SLC2A14: variants seen among roughly 807,000 people sequenced by gnomAD.
The protein encoded by SLC2A14 is solute carrier family 2, facilitated glucose transporter member 14.
Under a neutral mutation model 43.0 loss-of-function variants are expected in SLC2A14, and 13 were observed. The observed-to-expected ratio is 0.30, with a 90% CI of 0.20 to 0.48. The LOEUF (loss-of-function observed/expected upper bound fraction) is 0.48. SLC2A14 is among the 20% of genes least tolerant of loss of function. The pLI is 0.99. For missense variants in SLC2A14, 428 were observed against 620.4 expected (o/e 0.69, Z 3.29); for synonymous variants, 190 against 233.8 (o/e 0.81, Z 1.71).
chr12:7,816,795 C>T (rs1249007421), intron 10 of SLC2A14, among the ~76,000 whole-genome samples: 1 of 151,876 alleles, frequency 6.6e-6, no homozygotes, highest in Non-Finnish European at 1.5e-5. Context: ...ACGAACTCCA[C>T]CTCCTGGTTT....
intron 1 of SLC2A14, among the ~76,000 whole-genome samples, chr12:7,880,610 C>G (rs764440728): frequency 6.7e-6 from 1 of 148,198 alleles, no homozygotes; most frequent in African/African-American, 2.5e-5. Flanking sequence ...GGATGGATCA[C>G]GAGGTCAGGA....
intron 10 of SLC2A14, among the ~76,000 whole-genome samples, chr12:7,817,175 GC>G (rs2120655407): frequency 6.6e-6 from 1 of 151,694 alleles, no homozygotes; most frequent in East Asian, 2.0e-4. Flanking sequence ...GAGTGCAATG[GC>G]CCGATCTCAG....
At position 7,882,410 on chromosome 12, in the gene SLC2A14, C is replaced by T. The variant is rs746121937; in HGVS notation, c.132+8586G>A. Among the ~76,000 whole-genome samples, 9 of 152,086 alleles carry T rather than the reference C, an allele frequency of 5.9e-5. 1 individual carries two copies. Among genetic ancestry groups the T allele is most frequent in the Non-Finnish European group, 1.3e-4 (9 of 67,998 alleles). On this transcript the variant is annotated intron_variant, in intron 1 of 9. Transcript: ENST00000539924. ...CCACATTTAAGAGCTGTAACACTAA[C>T]CGCGAGGGTCCATGGCTTCATTCTT...
intron 2 of SLC2A14, among the ~76,000 whole-genome samples, chr12:7,849,069 G>C (rs777343405): frequency 6.6e-6 from 1 of 152,000 alleles, no homozygotes; most frequent in Non-Finnish European, 1.5e-5. Flanking sequence ...GGCCAGGCTG[G>C]TCTGGCACTC....
At chr12:7,876,266 G>T (rs771293961), upstream of SLC2A14, among the ~76,000 whole-genome samples, 105 of 101,268 alleles carry the variant, frequency 1.0e-3, no homozygotes, top group Admixed American at 8.5e-3. Context: ...GGGTGACAGA[G>T]CAAAACTCCA....
At chr12:7,861,492 C>T (rs774607160) in intron 2 of SLC2A14, among the ~76,000 whole-genome samples, 1 of 152,108 alleles carries the variant, frequency 6.6e-6, no homozygotes, top group South Asian at 2.1e-4. Context: ...AGGAACGGTA[C>T]TCTTGTGTAA....
At chr12:7,835,715 C>T (rs192409652) in intron 2 of SLC2A14, among the ~76,000 whole-genome samples, 19 of 152,316 alleles carry the variant, frequency 1.2e-4, no homozygotes, top group Admixed American at 1.2e-3. Context: ...AAAACTGTCT[C>T]TTTCATAAAA....
chr12:7,840,955 G>A (rs1865900878), intron 2 of SLC2A14, among the ~76,000 whole-genome samples: 2 of 150,448 alleles, frequency 1.3e-5, no homozygotes, highest in South Asian at 2.1e-4. Flanking sequence ...GATGCGCTAA[G>A]TCGGCGATGA....
chr12:7,835,269 C>A (rs1374849345), intron 2 of SLC2A14, among the ~76,000 whole-genome samples: 1 of 152,142 alleles, frequency 6.6e-6, no homozygotes, highest in Non-Finnish European at 1.5e-5. Flanking sequence ...CGCCTGTAGT[C>A]CCAGCTACTC....
intron 1 of SLC2A14, among the ~76,000 whole-genome samples, chr12:7,881,385 C>A (rs1214529461): frequency 6.6e-6 from 1 of 151,782 alleles, no homozygotes; most frequent in Non-Finnish European, 1.5e-5. Context: ...GCCGGCCGGC[C>A]GGCCCTGGTG....
At chr12:7,876,489 T>C (rs1034568031), upstream of SLC2A14, among the ~76,000 whole-genome samples, 2 of 150,662 alleles carry the variant, frequency 1.3e-5, no homozygotes, top group Admixed American at 6.7e-5. Context: ...AGTGTTTACA[T>C]TGGTGGAAAT....
chr12:7,829,774 C>T lies in SLC2A14; in HGVS notation c.505G>A (p.Val169Met). 1 of 1,614,158 alleles carries T rather than the reference C, an allele frequency of 6.2e-7. No homozygotes were observed. Residue 169 changes from valine (V) to methionine (M), a missense_variant, in exon 5 of 11, where the codon GTG becomes ATG. Around this residue, in one of 4 missense-constraint regions of SLC2A14, gnomAD observed 185 missense variants for 275.4 expected, o/e 0.67. Coordinates refer to ENST00000431042, the MANE Select transcript of SLC2A14 (RefSeq NM_001286234.2). ...GAGAAGTTCTAGAGTACCTGGGCCA[C>T]CAGAATTCCAATAACTATGCCCAGC... ...NQLGIVIGIL[V>M]AQIFGLELIL... is the part of the protein sequence containing the mutation.
chr12:7,849,890 G>C (rs1220137929), intron 2 of SLC2A14, among the ~76,000 whole-genome samples: 1 of 148,268 alleles, frequency 6.7e-6, no homozygotes, highest in Non-Finnish European at 1.5e-5. Context: ...GGGTGACAGA[G>C]CGAGACTCCA....
rs760229442 is a variant in SLC2A14, at chr12:7,826,366, CT to C, written c.864+1128del. On this transcript the variant is annotated intron_variant, in intron 7 of 10. Coordinates refer to ENST00000431042, the MANE Select transcript of SLC2A14 (RefSeq NM_001286234.2). ...CACCACACCTGGCTCCTTGTACATTCTGATAAAACAGCTTCTAACCCCTCAC... is the reference window on the plus strand; with the variant it reads ...CACCACACCTGGCTCCTTGTACATTCGATAAAACAGCTTCTAACCCCTCAC... Among the ~76,000 whole-genome samples the C allele has an allele frequency of 1.5e-4, 23 of 152,132 alleles. No individual in the cohort carries two copies. In the Middle Eastern group the frequency reaches 0.014, roughly 90 times the overall value.
In SLC2A14 at chr12:7,890,029, T is replaced by C. The variant is rs146967780; in HGVS notation, c.132+967A>G. On this transcript the variant is annotated intron_variant, in intron 1 of 9. Coordinates refer to the SLC2A14 transcript ENST00000539924. ...CCACCATTTTGGTTTTGGTAGGTTT[T>C]GGCTGGCTCCTTTACTGCAACCTGT... Among the ~76,000 whole-genome samples the C allele has an allele frequency of 2.6e-5, 4 of 152,268 alleles. No homozygotes were observed. In the East Asian group the frequency reaches 7.7e-4, roughly 29 times the overall value.
At chr12:7,864,528 C>T (rs996194075) in intron 2 of SLC2A14, among the ~76,000 whole-genome samples, 3 of 151,968 alleles carry the variant, frequency 2.0e-5, no homozygotes, top group Non-Finnish European at 2.9e-5. Flanking sequence ...TTAGTAGAGA[C>T]GGGGTTTCAC....
intron 1 of SLC2A14, among the ~76,000 whole-genome samples, chr12:7,889,543 T>TC (rs1363517762): frequency 1.3e-5 from 1 of 75,714 alleles, no homozygotes; most frequent in Non-Finnish European, 3.8e-5. Flanking sequence ...TGGTTCCCCC[T>TC]TTTTTTTTTG....
At chr12:7,884,924 A>G (rs1945662535) in intron 1 of SLC2A14, among the ~76,000 whole-genome samples, 1 of 152,086 alleles carries the variant, frequency 6.6e-6, no homozygotes, top group South Asian at 2.1e-4. Flanking sequence ...CCTGGCAACA[A>G]TATTGTTCAA....
intron 1 of SLC2A14, among the ~76,000 whole-genome samples, chr12:7,879,339 A>AG (rs1451403983): frequency 6.6e-6 from 1 of 150,644 alleles, no homozygotes; most frequent in Non-Finnish European, 1.5e-5. Context: ...ACAAAAAAAA[A>AG]CAAAAGTTGC....
Sources: gnomAD v4.1 joint callset for allele counts (sites outside exome capture counted in the v4.1 genomes callset) on GRCh38, gnomAD v4.1.1 for gene constraint, gnomAD v4.1.1 regional missense constraint, MANE v1.5 for transcripts, NCBI Gene and HGNC (gene_info 2026-07-23, HGNC 2026-07-21) for gene names.